METTL25: variants seen among roughly 807,000 people sequenced by gnomAD.
The protein encoded by METTL25 is probable methyltransferase-like protein 25.
In METTL25, 64 loss-of-function variants were observed where a neutral mutation model predicts 71.6. The ratio of observed to expected loss-of-function variants is 0.89; its 90% CI spans 0.73 to 1.10. The LOEUF (loss-of-function observed/expected upper bound fraction) is 1.10. METTL25 is among the 50% of genes least tolerant of loss of function. The pLI, the probability that METTL25 is intolerant of heterozygous loss-of-function variation, is 0.00. For synonymous variants in METTL25, 287 were observed against 250.3 expected (o/e 1.15, Z -1.38); for missense variants, 807 against 707.0 (o/e 1.14, Z -1.60).
chr12:82,415,295 A>G (rs1479749039), intron 5 of METTL25, among the ~76,000 whole-genome samples: 1 of 152,158 alleles, frequency 6.6e-6, no homozygotes, highest in Non-Finnish European at 1.5e-5. Context: ...ATATACATAT[A>G]CCTTGAGATC....
chr12:82,449,802 C>A (rs114819045), intron 8 of METTL25, among the ~76,000 whole-genome samples: 1,413 of 132,034 alleles, frequency 0.011, 16 homozygotes, highest in African/African-American at 0.037. Context: ...TTCTAAAAAT[C>A]CTCTGCACCC....
chr12:82,458,630 G>GA (rs1363941442), intron 9 of METTL25, among the ~76,000 whole-genome samples: 9 of 148,108 alleles, frequency 6.1e-5, no homozygotes, highest in South Asian at 2.1e-4. Context: ...GAATAGTGGA[G>GA]AAAAAAAAAA....
chr12:82,371,398 G>A (rs1883216167), intron 1 of METTL25, among the ~76,000 whole-genome samples: 1 of 152,138 alleles, frequency 6.6e-6, no homozygotes, highest in South Asian at 2.1e-4. Context: ...AGTGGACATG[G>A]ACAAGGGGGC....
In METTL25 at chr12:82,477,362, G is replaced by T. The variant is rs751933586; in HGVS notation, c.1719+10G>T. ...TTACCTGAAAGAGCAGGTAAATTAT[G>T]TTATTTTAAAATACACAACAAATAT... On this transcript the variant is annotated intron_variant, in intron 11 of 11. Transcript: ENST00000248306. 2.1e-5 allele frequency: 31 copies of T among 1,447,268 alleles called. No individual in the cohort carries two copies. In the Admixed American group the frequency reaches 3.1e-4, roughly 15 times the overall value. The allele number at this position is 1,447,268 out of a possible 1,614,324, so 89.7% of individuals were successfully genotyped here. A position where few individuals can be genotyped will look rare whatever the true frequency, so the allele number is the denominator to read the frequency against.
chr12:82,380,408 C>A (rs1884325037), intron 1 of METTL25, among the ~76,000 whole-genome samples: 1 of 127,548 alleles, frequency 7.8e-6, no homozygotes, highest in African/African-American at 2.9e-5. Context: ...GCATCCCGAC[C>A]TTAAAAGTTT....
intron 5 of METTL25, among the ~76,000 whole-genome samples, chr12:82,416,273 A>AT (rs1270064261): frequency 6.6e-6 from 1 of 151,798 alleles, no homozygotes; most frequent in Non-Finnish European, 1.5e-5. Flanking sequence ...TTACACCCAC[A>AT]TTTTTTCTGA....
chr12:82,475,851 A>C (rs1456715604), intron 9 of METTL25, among the ~76,000 whole-genome samples: 1 of 152,088 alleles, frequency 6.6e-6, no homozygotes, highest in South Asian at 2.1e-4. Flanking sequence ...TTTACCTTAT[A>C]TACTTACCAT....
At chr12:82,435,559 A>C (rs1216266184) in intron 7 of METTL25, among the ~76,000 whole-genome samples, 1 of 151,286 alleles carries the variant, frequency 6.6e-6, no homozygotes, top group Non-Finnish European at 1.5e-5. Flanking sequence ...GGGGACTTTA[A>C]GTGTGTGGGA....
At chr12:82,427,218 A>G (rs35205518) in intron 5 of METTL25, among the ~76,000 whole-genome samples, 4,045 of 152,056 alleles carry the variant, frequency 0.027, 75 homozygotes, top group Admixed American at 0.046. Flanking sequence ...TTTCTCTCCC[A>G]CATTCCTTGT....
chr12:82,446,841 T>C (rs1178814813), intron 8 of METTL25, among the ~76,000 whole-genome samples: 1 of 152,054 alleles, frequency 6.6e-6, no homozygotes, highest in Non-Finnish European at 1.5e-5. Flanking sequence ...GGTCTCAAAC[T>C]CCTGACCTCA....
chr12:82,460,417 T>C (rs950426763), intron 9 of METTL25, among the ~76,000 whole-genome samples: 8 of 152,134 alleles, frequency 5.3e-5, no homozygotes, highest in African/African-American at 1.9e-4. Context: ...ATGTGAATGG[T>C]AGAAAAAGAG....
intron 8 of METTL25, among the ~76,000 whole-genome samples, chr12:82,448,629 T>G (rs1193985758): frequency 6.6e-6 from 1 of 152,088 alleles, no homozygotes; most frequent in African/African-American, 2.4e-5. Flanking sequence ...TTACCTAGTT[T>G]AATTTTAATT....
intron 1 of METTL25, among the ~76,000 whole-genome samples, chr12:82,372,751 A>G (rs946615713): frequency 2.0e-5 from 3 of 152,132 alleles, no homozygotes; most frequent in Non-Finnish European, 4.4e-5. Context: ...AGTGTTTCCC[A>G]TCTGAAAGAC....
chr12:82,410,863 A>G (rs925346798), intron 5 of METTL25, among the ~76,000 whole-genome samples: 2 of 152,094 alleles, frequency 1.3e-5, no homozygotes, highest in African/African-American at 2.4e-5. Context: ...CTTGAATGAG[A>G]CAAAGCCATC....
chr12:82,476,459 A>C, intron 9 of METTL25, 185 bp from the exon 10 acceptor site: 1 of 543,088 alleles, frequency 1.8e-6, no homozygotes, highest in Non-Finnish European at 3.3e-6. Flanking sequence ...AACCTATATC[A>C]GTGTAAAAAT....
At chr12:82,412,704 T>A (rs1457963358) in intron 5 of METTL25, among the ~76,000 whole-genome samples, 2 of 152,110 alleles carry the variant, frequency 1.3e-5, no homozygotes, top group African/African-American at 4.8e-5. Context: ...AGATGCTAAA[T>A]ATATATTTTT....
At chr12:82,459,630 G>GAAA (rs1162682683) in intron 9 of METTL25, among the ~76,000 whole-genome samples, 1 of 152,074 alleles carries the variant, frequency 6.6e-6, no homozygotes, top group Non-Finnish European at 1.5e-5. Context: ...CTGTCTCCAA[G>GAAA]AAAAGAAAAA....
At chr12:82,471,915 C>T (rs975170100) in intron 9 of METTL25, among the ~76,000 whole-genome samples, 11 of 151,736 alleles carry the variant, frequency 7.2e-5, no homozygotes, top group African/African-American at 2.2e-4. Flanking sequence ...CCTCTTACAC[C>T]GTAAAAAATT....
At chr12:82,402,233 T>A (rs1296887713) in intron 4 of METTL25, among the ~76,000 whole-genome samples, 1 of 152,004 alleles carries the variant, frequency 6.6e-6, no homozygotes, top group Non-Finnish European at 1.5e-5. Context: ...ATGCGGTGTA[T>A]AAACTAAGCT....
Sources: gnomAD v4.1 joint callset for allele counts (sites outside exome capture counted in the v4.1 genomes callset) on GRCh38, gnomAD v4.1.1 for gene constraint, MANE v1.5 for transcripts, NCBI Gene and HGNC (gene_info 2026-07-23, HGNC 2026-07-21) for gene names.